NOX1: variants seen among roughly 807,000 people sequenced by gnomAD.
The protein encoded by NOX1 is NADH/NADPH mitogenic oxidase subunit P65-MOX.
Under a neutral mutation model 42.5 loss-of-function variants are expected in NOX1, and 34 were observed. The ratio of observed to expected loss-of-function variants is 0.80; its 90% CI spans 0.61 to 1.07. NOX1 has a LOEUF of 1.07. Among genes scored for constraint, NOX1 ranks in the 50% least tolerant of loss-of-function variants. The pLI, the probability that NOX1 is intolerant of heterozygous loss-of-function variation, is 0.00. For missense variants in NOX1, 408 were observed against 427.0 expected (o/e 0.96, Z 0.39); for synonymous variants, 143 against 152.5 (o/e 0.94, Z 0.46).
In NOX1 at chrX:100,844,831, A is replaced by G. The variant is rs766288600; in HGVS notation, c.1569-753T>C. Among the ~76,000 whole-genome samples, 4 of 112,228 alleles carry G rather than the reference A, an allele frequency of 3.6e-5. No homozygotes were observed. The South Asian group carries it at 1.5e-3, about 42-fold the overall frequency. On this transcript the variant is annotated intron_variant, in intron 12 of 12. Coordinates refer to ENST00000372966, the MANE Select transcript of NOX1 (RefSeq NM_007052.5). ...CATAGGGTTGTTTTAAGGATTAAAT[A>G]AGAACATGTAAATAAATTAGAAAAA...
chrX:100,843,537 C>T lies in NOX1; in HGVS notation c.*415G>A. 3 of 977,046 alleles carry T rather than the reference C, an allele frequency of 3.1e-6. No individual in the cohort carries two copies. Among genetic ancestry groups the T allele is most frequent in the Non-Finnish European group, 4.0e-6 (3 of 753,223 alleles). The allele number at this position is 977,046 out of a possible 1,213,427, so 80.5% of individuals were successfully genotyped here. On this transcript the variant is annotated 3_prime_UTR_variant, in exon 13 of 13. Transcript: ENST00000372966. ...ATAAATTTTTATTTAAAAAGTCACCCTACTTAGAAATCTTCTGTGGGGGTG... is the reference window on the plus strand; with the variant it reads ...ATAAATTTTTATTTAAAAAGTCACCTTACTTAGAAATCTTCTGTGGGGGTG...
intron 2 of NOX1, among the ~76,000 whole-genome samples, chrX:100,864,143 C>T (rs1021620170): frequency 4.5e-5 from 5 of 111,079 alleles, no homozygotes; most frequent in Admixed American, 9.6e-5. Context: ...GCGTGCACCA[C>T]CATACCCAGC....
At chrX:100,852,966 T>A (rs1183970132) in intron 7 of NOX1, among the ~76,000 whole-genome samples, 1 of 112,138 alleles carries the variant, frequency 8.9e-6, no homozygotes, top group African/African-American at 3.2e-5. Context: ...CACGTGGGCA[T>A]GCAAATTGAA....
chrX:100,874,279 C>T lies in NOX1; in HGVS notation c.-140G>A. 1 of 472,908 alleles carries T rather than the reference C, an allele frequency of 2.1e-6. No individual in the cohort carries two copies. Among genetic ancestry groups the T allele is most frequent in the Admixed American group, 3.3e-5 (1 of 30,160 alleles). The allele number at this position is 472,908 out of a possible 1,213,427, so 39.0% of individuals were successfully genotyped here. ...AAGATGTGAAAAACACACACCTACC[C>T]CAAGAGTTCCTGGGAATGAATAAGT... On this transcript the variant is annotated 5_prime_UTR_variant, in exon 1 of 13. Coordinates refer to ENST00000372966, the MANE Select transcript of NOX1 (RefSeq NM_007052.5).
At position 100,855,776 on chromosome X, in the gene NOX1, A is replaced by G. The variant is rs1484055159; in HGVS notation, c.805-4451T>C. On this transcript the variant is annotated intron_variant, in intron 7 of 12. Coordinates refer to ENST00000372966, the MANE Select transcript of NOX1 (RefSeq NM_007052.5). ...CACAACCAAAGTTTTCATTCCCACC[A>G]AAACCACCTCCACGACCACTTCGAC... 9.5e-6 allele frequency: 10 copies of G among 1,054,009 alleles called. No individual in the cohort carries two copies. In the East Asian group the frequency reaches 1.8e-4, roughly 19 times the overall value. The allele number at this position is 1,054,009 out of a possible 1,213,427, so 86.9% of individuals were successfully genotyped here. A position where few individuals can be genotyped will look rare whatever the true frequency, so the allele number is the denominator to read the frequency against.
At chrX:100,856,733 C>T (rs544259904) in intron 7 of NOX1, among the ~76,000 whole-genome samples, 13 of 110,255 alleles carry the variant, frequency 1.2e-4, no homozygotes, top group African/African-American at 4.3e-4. Context: ...CCACCATGCC[C>T]GGCTAATTTT....
intron 2 of NOX1, among the ~76,000 whole-genome samples, chrX:100,867,751 C>G (rs926668352): frequency 1.3e-4 from 8 of 61,331 alleles, no homozygotes; most frequent in Non-Finnish European, 2.3e-4. Context: ...AGAATGAAAA[C>G]AAAGAAAGAA....
chrX:100,870,152 G>C (rs1250056422), intron 2 of NOX1, among the ~76,000 whole-genome samples: 5 of 107,414 alleles, frequency 4.7e-5, no homozygotes, highest in Non-Finnish European at 5.8e-5. Context: ...GCCAGGCTTT[G>C]GTATCAGAAT....
In NOX1 at chrX:100,853,261, C is replaced by CCTTTCTTTCTTTCTTTCTTT. The variant is rs1177925812; in HGVS notation, c.805-1956_805-1937dup. On this transcript the variant is annotated intron_variant, in intron 7 of 12. Transcript: ENST00000372966. ...TCTTTCTTTCCTTCCTTCCTTCCTT[C>CCTTTCTTTCTTTCTTTCTTT]CTTTCTTTCTTTCTTTCTTTCTTTC... 9.8e-4 allele frequency among the ~76,000 whole-genome samples: 23 copies of CCTTTCTTTCTTTCTTTCTTT among 23,450 alleles called. 1 individual carries two copies. Among genetic ancestry groups the CCTTTCTTTCTTTCTTTCTTT allele is most frequent in the Non-Finnish European group, 1.3e-3 (18 of 14,054 alleles). The allele number at this position is 23,450 out of a possible 115,157, so 20.4% of individuals were successfully genotyped here.
rs778184918 is a variant in NOX1 at position 100,852,357 on chromosome X, C to G, written c.805-1032G>C. ...GGTGGTGGGTGCCTGTAATCCCAGACACTCGGGAGACTGAGGAAGGAGAAT... is the reference window on the plus strand; with the variant it reads ...GGTGGTGGGTGCCTGTAATCCCAGAGACTCGGGAGACTGAGGAAGGAGAAT... On this transcript the variant is annotated intron_variant, in intron 7 of 12. Coordinates refer to ENST00000372966, the MANE Select transcript of NOX1 (RefSeq NM_007052.5). Among the ~76,000 whole-genome samples, 2 of 111,034 alleles carry G rather than the reference C, an allele frequency of 1.8e-5. 1 individual carries two copies. The highest frequency in any genetic ancestry group is 7.7e-4 in the South Asian group (2 of 2,598).
At chrX:100,857,468 T>C (rs766003964) in intron 7 of NOX1, among the ~76,000 whole-genome samples, 195 of 112,339 alleles carry the variant, frequency 1.7e-3, no homozygotes, top group African/African-American at 6.0e-3. Flanking sequence ...CTTTCCACAA[T>C]GGCTGAACTA....
At chrX:100,858,334 C>A (rs966885202) in intron 7 of NOX1, among the ~76,000 whole-genome samples, 1 of 111,801 alleles carries the variant, frequency 8.9e-6, no homozygotes, top group Admixed American at 9.5e-5. Context: ...GTTGCTGTAG[C>A]CTTGTATAGT....
chrX:100,868,963 A>G (rs1160621241), intron 2 of NOX1, among the ~76,000 whole-genome samples: 2 of 110,849 alleles, frequency 1.8e-5, no homozygotes, highest in Non-Finnish European at 3.8e-5. Context: ...CAAAGATCAG[A>G]TAGTTGTAGA....
chrX:100,862,905 C>T (rs765780213), intron 4 of NOX1, 85 bp from the exon 5 acceptor site: 4 of 893,456 alleles, frequency 4.5e-6, no homozygotes, highest in African/African-American at 4.0e-5. Context: ...AAGAATCCTA[C>T]ATTATAGTGC....
chrX:100,848,702 A>G lies in NOX1; in HGVS notation c.1496T>C (p.Leu499Pro), dbSNP rs755727858. ...FDKATDIVTG[L>P]KQKTSFGRPM... ...TCTCCCAAAGGAGGTTTTCTGTTTC[A>G]GACCTGTCACGATGTCAGTGGCCTT... The change falls in exon 12 of 13, where the codon CTG becomes CCG. Residue 499 changes from leucine (L) to proline (P), a missense_variant. Leu to Pro is a moderately conservative substitution (Grantham distance 98). Coordinates refer to ENST00000372966, the MANE Select transcript of NOX1 (RefSeq NM_007052.5). The G allele has an allele frequency of 4.1e-6, 5 of 1,210,922 alleles. No individual in the cohort carries two copies. In the South Asian group the frequency reaches 8.8e-5, roughly 21 times the overall value.
Position 100,844,088 on chromosome X carries a change from CAG to C in NOX1, c.1569-12_1569-11del. The C allele has an allele frequency of 8.5e-7, 1 of 1,173,259 alleles. No individual in the cohort carries two copies. The highest frequency in any genetic ancestry group is 1.1e-6 in the Non-Finnish European group (1 of 874,584). The stretch of plus-strand genomic sequence containing the variant: ...AACTCCCACTACAGACCTGTAGGAA[CAG>C]AACAATAGTAAGGGCTAGAATGCAG... On this transcript the variant is annotated splice_polypyrimidine_tract_variant and intron_variant, in intron 12 of 12. Coordinates refer to ENST00000372966, the MANE Select transcript of NOX1 (RefSeq NM_007052.5).
At chrX:100,853,795 C>T (rs1240793870) in intron 7 of NOX1, among the ~76,000 whole-genome samples, 2 of 111,376 alleles carry the variant, frequency 1.8e-5, no homozygotes, top group African/African-American at 3.2e-5. Flanking sequence ...CTCAGCCTCC[C>T]AAAGTGCTGG....
At chrX:100,845,099 G>A (rs1453160648) in intron 12 of NOX1, among the ~76,000 whole-genome samples, 1 of 111,529 alleles carries the variant, frequency 9.0e-6, no homozygotes, top group Non-Finnish European at 1.9e-5. Flanking sequence ...CCTTTGAAGT[G>A]TGCAATTTGT....
chrX:100,849,017 G>C (rs1469222432), intron 11 of NOX1, among the ~76,000 whole-genome samples: 1 of 111,060 alleles, frequency 9.0e-6, no homozygotes, highest in Non-Finnish European at 1.9e-5. Flanking sequence ...CAGAGGTTGT[G>C]GTGAGCCAAG....
Sources: allele counts gnomAD v4.1 joint callset (sites outside exome capture counted in the v4.1 genomes callset), GRCh38; gene constraint gnomAD v4.1.1; transcripts MANE v1.5; gene names NCBI Gene and HGNC (gene_info 2026-07-23, HGNC 2026-07-21).